Variants in ADPRM observed in about 807,000 individuals in gnomAD.
ADPRM encodes ADP-ribose/CDP-alcohol diphosphatase, manganese dependent.
In ADPRM, 17 loss-of-function variants were observed where a neutral mutation model predicts 27.2. The ratio of observed to expected loss-of-function variants is 0.63; its 90% CI spans 0.43 to 0.94. The LOEUF (loss-of-function observed/expected upper bound fraction) is 0.94, where lower values mean the gene tolerates loss of function less well. ADPRM is among the 40% of genes least tolerant of loss of function. The pLI, the probability that ADPRM is intolerant of heterozygous loss-of-function variation, is 0.00. For synonymous variants in ADPRM, 135 were observed against 145.3 expected (o/e 0.93, Z 0.51); for missense variants, 337 against 412.8 (o/e 0.82, Z 1.59).
chr17:10,700,543 G>GGAGCTTGA lies in ADPRM; in HGVS notation c.-18+2879_-18+2886dup, dbSNP rs57698402. Among the ~76,000 whole-genome samples, 66 of 151,272 alleles carry GGAGCTTGA rather than the reference G, an allele frequency of 4.4e-4. No individual in the cohort carries two copies. The East Asian group carries it at 0.011, about 25-fold the overall frequency. Reference sequence around the variant, plus strand: ...GAGGCAGGTGGATCACTTGAGCTCAGGAGCTTGAGACCAGCCTGGGCAACA... The same window carrying GGAGCTTGA: ...GAGGCAGGTGGATCACTTGAGCTCAGGAGCTTGAGAGCTTGAGACCAGCCTGGGCAACA... On this transcript the variant is annotated intron_variant, in intron 1 of 3. Coordinates refer to ENST00000379774, the MANE Select transcript of ADPRM (RefSeq NM_020233.5).
At chr17:10,704,692 C>G (rs1352641970) in intron 1 of ADPRM, among the ~76,000 whole-genome samples, 3 of 152,092 alleles carry the variant, frequency 2.0e-5, no homozygotes, top group Non-Finnish European at 4.4e-5. Context: ...TGTTACTCTT[C>G]TGAAAGAGTT....
intron 1 of ADPRM, among the ~76,000 whole-genome samples, chr17:10,699,753 C>T (rs2074764277): frequency 6.6e-6 from 1 of 152,036 alleles, no homozygotes; most frequent in African/African-American, 2.4e-5. Flanking sequence ...AGGACGGTCT[C>T]GATTTCCTGA....
chr17:10,703,335 C>G (rs2074791459), intron 1 of ADPRM, among the ~76,000 whole-genome samples: 2 of 151,970 alleles, frequency 1.3e-5, no homozygotes, highest in African/African-American at 2.4e-5. Flanking sequence ...ATGAGATTTT[C>G]AGGTAGGGGC....
Position 10,706,553 on chromosome 17 carries a change from GAGTA to G in ADPRM, c.718+4_718+7del, listed in dbSNP as rs761194431. The G allele has an allele frequency of 9.6e-6, 15 of 1,562,534 alleles. No individual in the cohort carries two copies. The highest frequency in any genetic ancestry group is 1.2e-5 in the South Asian group (1 of 81,346). On this transcript the variant is annotated splice_donor_variant and splice_donor_region_variant and coding_sequence_variant and intron_variant, in exon 3 of 4. Transcript: ENST00000379774. LOFTEE classifies it high-confidence loss of function. ...CAAACCAAGAAAAGGTGGTGATTGTGAGTAAGTATTTAATTTATCTGATTACACT... is the reference window on the plus strand; with the variant it reads ...CAAACCAAGAAAAGGTGGTGATTGTGAGTATTTAATTTATCTGATTACACT...
Position 10,711,403 on chromosome 17 carries a change from A to G in ADPRM, c.*259A>G, listed in dbSNP as rs995241103. ...AAGGGGCATATAGTCCTCATGAGGG[A>G]TCTTATTTGGCCCTACCTGATTTTT... On this transcript the variant is annotated 3_prime_UTR_variant, in exon 4 of 4. Transcript: ENST00000379774. Among the ~76,000 whole-genome samples, 1 of 152,048 alleles carries G rather than the reference A, an allele frequency of 6.6e-6. No homozygotes were observed. The highest frequency in any genetic ancestry group is 1.5e-5 in the Non-Finnish European group (1 of 68,000).
In ADPRM at chr17:10,711,128, G is replaced by C; in HGVS notation, c.1013G>C (p.Arg338Thr). Residue 338 changes from arginine (R) to threonine (T), a missense_variant, in exon 4 of 4, where the codon AGA becomes ACA. Arg to Thr is a moderately conservative substitution (Grantham distance 71, BLOSUM62 -1). Transcript: ENST00000379774. The part of the protein sequence containing the change: ...PDRIMNYKKE[R>T]AFHC ...AGAATTATGAATTACAAGAAAGAAA[G>C]AGCCTTCCATTGTTAGTCTAATTTA... 2 of 1,606,344 alleles carry C rather than the reference G, an allele frequency of 1.2e-6. No homozygotes were observed. The highest frequency in any genetic ancestry group is 1.1e-5 in the South Asian group (1 of 90,784).
At chr17:10,703,924 C>A (rs1445935664) in intron 1 of ADPRM, among the ~76,000 whole-genome samples, 1 of 152,076 alleles carries the variant, frequency 6.6e-6, no homozygotes, top group Non-Finnish European at 1.5e-5. Flanking sequence ...AAGTTTAAAT[C>A]TTGCTCTTTT....
chr17:10,702,285 T>G lies in ADPRM; in HGVS notation c.-17-2625T>G, dbSNP rs1422898418. 2.6e-5 allele frequency among the ~76,000 whole-genome samples: 4 copies of G among 152,230 alleles called. No individual in the cohort carries two copies. The highest frequency in any genetic ancestry group is 9.6e-5 in the African/African-American group (4 of 41,462). ...AAGTGTGTGCCCCTTGGTGCTTCTCTCCACATTAACTTTCCTTAAAAATTG... is the reference window on the plus strand; with the variant it reads ...AAGTGTGTGCCCCTTGGTGCTTCTCGCCACATTAACTTTCCTTAAAAATTG... On this transcript the variant is annotated intron_variant, in intron 1 of 3. Transcript: ENST00000379774. The surrounding 1 kb of genome is among the most constrained non-coding windows in gnomAD (Gnocchi z 4.2).
chr17:10,704,881 T>C (rs1464157056), intron 1 of ADPRM, 29 bp from the exon 2 acceptor site: 10 of 1,465,290 alleles, frequency 6.8e-6, no homozygotes, highest in Non-Finnish European at 9.2e-6. Context: ...ACGTTTATAA[T>C]TTAGTTATCG....
At chr17:10,698,299 T>TA (rs1344742694) in intron 1 of ADPRM, 1 of 152,218 alleles carries the variant, frequency 6.6e-6, no homozygotes. Flanking sequence ...TGAAGTTTGT[T>TA]ATGGGTTCCT....
In ADPRM at chr17:10,697,631, G is replaced by A. The variant is rs1012665419; in HGVS notation, c.-54G>A. On this transcript the variant is annotated 5_prime_UTR_variant, in exon 1 of 4. Coordinates refer to ENST00000379774, the MANE Select transcript of ADPRM (RefSeq NM_020233.5). The stretch of plus-strand genomic sequence containing the variant: ...CGTTGGTGGCGCTGTTACATAGCCC[G>A]TAGTCAGAGGCCTTTCAGCCCAGGG... The A allele has an allele frequency of 9.9e-6, 12 of 1,211,806 alleles. No homozygotes were observed. Among genetic ancestry groups the A allele is most frequent in the Non-Finnish European group, 1.4e-5 (12 of 841,294 alleles). 75.1% of individuals were successfully genotyped at this position (1,211,806 alleles called of 1,614,324 possible).
At chr17:10,701,158 C>CT (rs1345779990) in intron 1 of ADPRM, among the ~76,000 whole-genome samples, 1 of 152,118 alleles carries the variant, frequency 6.6e-6, no homozygotes, top group African/African-American at 2.4e-5. Flanking sequence ...CTCTTTAAAA[C>CT]TTAGACAGCG....
intron 3 of ADPRM, among the ~76,000 whole-genome samples, chr17:10,709,547 C>G (rs1304294717): frequency 6.6e-6 from 1 of 151,906 alleles, no homozygotes; most frequent in Non-Finnish European, 1.5e-5. Flanking sequence ...GAAAGACACC[C>G]CTGGGAGAAA....
At position 10,710,546 on chromosome 17, in the gene ADPRM, C is replaced by T. The variant is rs148332790; in HGVS notation, c.719-288C>T. 8.0e-3 allele frequency among the ~76,000 whole-genome samples: 1,215 copies of T among 152,326 alleles called. 7 individuals are homozygous for T. Among genetic ancestry groups the T allele is most frequent in the Middle Eastern group, 0.014 (4 of 294 alleles). Reference sequence around the variant, plus strand: ...TGCATAGGACACCCTTGATCTTCCTCGGTGTTTCGGCAACTTGAGATGACG... The same window carrying T: ...TGCATAGGACACCCTTGATCTTCCTTGGTGTTTCGGCAACTTGAGATGACG... On this transcript the variant is annotated intron_variant, in intron 3 of 3. Coordinates refer to ENST00000379774, the MANE Select transcript of ADPRM (RefSeq NM_020233.5).
chr17:10,697,659 C>A lies in ADPRM; in HGVS notation c.-26C>A, dbSNP rs1276057334. On this transcript the variant is annotated 5_prime_UTR_variant, in exon 1 of 4. Coordinates refer to ENST00000379774, the MANE Select transcript of ADPRM (RefSeq NM_020233.5). Reference sequence around the variant, plus strand: ...GTCAGAGGCCTTTCAGCCCAGGGGCCGGCGCACGGTAGGTAGTTCCCTGCG... The same window carrying A: ...GTCAGAGGCCTTTCAGCCCAGGGGCAGGCGCACGGTAGGTAGTTCCCTGCG... The A allele has an allele frequency of 5.2e-6, 5 of 965,788 alleles. No homozygotes were observed. The highest frequency in any genetic ancestry group is 4.0e-5 in the Admixed American group (2 of 49,716). 59.8% of individuals were successfully genotyped at this position (965,788 alleles called of 1,614,324 possible). A position where few individuals can be genotyped will look rare whatever the true frequency, so the allele number is the denominator to read the frequency against.
chr17:10,704,930 G>A lies in ADPRM; in HGVS notation c.4G>A (p.Asp2Asn), dbSNP rs756638622. ...TTTAGAAACCTGTTTGGAGGTTATG[G>A]ATGATAAACCCAATCCTGAAGCCCT... M[D>N]DKPNPEALSD... Residue 2 changes from aspartate to asparagine, a missense_variant, in exon 2 of 4, where the codon GAT becomes AAT. By Grantham distance (23) the Asp-to-Asn change is conservative. Transcript: ENST00000379774. 1.3e-6 allele frequency: 2 copies of A among 1,584,180 alleles called. No homozygotes were observed. The highest frequency in any genetic ancestry group is 1.4e-5 in the African/African-American group (1 of 73,064).
chr17:10,700,215 A>G (rs2074767322), intron 1 of ADPRM, among the ~76,000 whole-genome samples: 1 of 152,212 alleles, frequency 6.6e-6, no homozygotes, highest in Non-Finnish European at 1.5e-5. Context: ...TTGACAATAG[A>G]GTGAAGAAAT....
intron 1 of ADPRM, among the ~76,000 whole-genome samples, chr17:10,701,048 C>T (rs1322207310): frequency 6.6e-6 from 1 of 152,122 alleles, no homozygotes; most frequent in South Asian, 2.1e-4. Flanking sequence ...TCAGTTGAAG[C>T]TCACGATAAC....
chr17:10,710,974 G>A lies in ADPRM; in HGVS notation c.859G>A (p.Asp287Asn). ...GHTHDGGYSE[D>N]PFGVYHVNLE... is the part of the protein sequence containing the mutation. ...CACCCATGATGGTGGCTACTCTGAG[G>A]ATCCTTTTGGTGTATACCACGTCAA... The change falls in exon 4 of 4, where the codon GAT becomes AAT. Residue 287 changes from aspartate (D) to asparagine (N), a missense_variant. Physicochemically the swap from Asp to Asn is conservative, Grantham distance 23. Transcript: ENST00000379774. 1 of 1,614,060 alleles carries A rather than the reference G, an allele frequency of 6.2e-7. No individual in the cohort carries two copies. The highest frequency in any genetic ancestry group is 8.5e-7 in the Non-Finnish European group (1 of 1,179,970).
Sources: gnomAD v4.1 joint callset for allele counts (sites outside exome capture counted in the v4.1 genomes callset) on GRCh38, gnomAD v4.1.1 for gene constraint, Gnocchi (gnomAD v3.1) non-coding constraint, MANE v1.5 for transcripts, NCBI Gene and HGNC (gene_info 2026-07-23, HGNC 2026-07-21) for gene names.